The following TNR variants were observed in gnomAD, a reference collection of about 807,000 sequenced individuals.
TNR encodes tenascin R, also known as tenascin-R.
TNR carries 45 observed loss-of-function variants against 150.4 expected under a neutral mutation model. That is an observed-to-expected ratio of 0.30 (90% CI 0.24 to 0.38). TNR has a LOEUF of 0.38. Ranked by LOEUF, TNR falls within the 10% of genes least tolerant of loss-of-function variation. The probability of loss-of-function intolerance (pLI) is 1.00; values close to 1 mark genes in which losing one functional copy is unlikely to be tolerated. For missense variants in TNR, 1,544 were observed against 1,759.1 expected, an observed-to-expected ratio of 0.88 and a Z score of 2.19; for synonymous variants, 687 against 678.4, an observed-to-expected ratio of 1.01 and a Z score of -0.20.
At chr1:175,471,253 T>C (rs1313582629) in intron 2 of TNR, among the ~76,000 whole-genome samples, 1 of 152,184 alleles carries the variant, frequency 6.6e-6, no homozygotes, top group Non-Finnish European at 1.5e-5. Flanking sequence ...TAAAAATCTT[T>C]ATTTGGGATC....
chr1:175,401,566 G>A (rs532689143), intron 4 of TNR, among the ~76,000 whole-genome samples: 25 of 152,172 alleles, frequency 1.6e-4, no homozygotes, highest in African/African-American at 5.1e-4. Flanking sequence ...TGAAATAATT[G>A]GATATGGAAA....
chr1:175,386,328 A>C lies in TNR; in HGVS notation c.1508-27T>G, dbSNP rs1286355374. On this transcript the variant is annotated intron_variant, in intron 7 of 22. Transcript: ENST00000367674. ...TGAGTGAGAAGGATCAAACAGAACAAAAAGTTTGAATGAGAAATAAGCCTT... is the reference window on the plus strand; with the variant it reads ...TGAGTGAGAAGGATCAAACAGAACACAAAGTTTGAATGAGAAATAAGCCTT... 2.0e-6 allele frequency: 3 copies of C among 1,511,408 alleles called. No homozygotes were observed. In the African/African-American group the frequency reaches 4.2e-5, roughly 21 times the overall value. The allele number at this position is 1,511,408 out of a possible 1,614,324, so 93.6% of individuals were successfully genotyped here.
At chr1:175,411,627 C>T (rs1043825208) in intron 2 of TNR, among the ~76,000 whole-genome samples, 3 of 151,456 alleles carry the variant, frequency 2.0e-5, no homozygotes, top group African/African-American at 7.3e-5. Flanking sequence ...GCATCACTCC[C>T]GTCTGTGCCT....
intron 2 of TNR, among the ~76,000 whole-genome samples, chr1:175,505,910 C>T (rs1658941094): frequency 6.6e-6 from 1 of 150,658 alleles, no homozygotes; most frequent in Non-Finnish European, 1.5e-5. Flanking sequence ...GCCTGGTGCA[C>T]ATGCCTATAA....
At chr1:175,515,207 A>T (rs1557980356) in intron 2 of TNR, among the ~76,000 whole-genome samples, 1 of 152,226 alleles carries the variant, frequency 6.6e-6, no homozygotes, top group Non-Finnish European at 1.5e-5. Flanking sequence ...CCATTCATTC[A>T]TCAAATATTT....
chr1:175,358,811 C>T (rs1022570655), intron 15 of TNR, among the ~76,000 whole-genome samples: 2 of 152,168 alleles, frequency 1.3e-5, no homozygotes, highest in African/African-American at 4.8e-5. Flanking sequence ...TTAGTTAAAC[C>T]TGTTGGGCTG....
Position 175,469,029 on chromosome 1 carries a change from G to A in TNR, c.-64+59240C>T, listed in dbSNP as rs576267387. Among the ~76,000 whole-genome samples the A allele has an allele frequency of 4.0e-5, 6 of 151,886 alleles. No homozygotes were observed. The South Asian group carries it at 1.3e-3, about 32-fold the overall frequency. On this transcript the variant is annotated intron_variant, in intron 2 of 22. Transcript: ENST00000367674. ...AGCAGAAAATAGGCCTGAGGGAGGA[G>A]TCAAAATGACCTTCAGTTTGGAGAT...
chr1:175,330,198 G>A lies in TNR; in HGVS notation c.3669C>T (p.Arg1223=), dbSNP rs1649659264. The change falls in exon 21 of 23, where the codon CGC becomes CGT. Residue 1223 remains arginine (R), a synonymous_variant. Transcript: ENST00000367674. ...DNIHRITSQG[R]YELRVDMRDG... Reference sequence around the variant, plus strand: ...CCCGCATGTCCACGCGCAGCTCATAGCGGCCCTGGGATGTGATCCTGTGTA... The same window carrying A: ...CCCGCATGTCCACGCGCAGCTCATAACGGCCCTGGGATGTGATCCTGTGTA... 1 of 1,610,820 alleles carries A rather than the reference G, an allele frequency of 6.2e-7. No individual in the cohort carries two copies. Among genetic ancestry groups the A allele is most frequent in the South Asian group, 1.1e-5 (1 of 90,790 alleles).
At chr1:175,533,462 G>A (rs751347420) in intron 1 of TNR, among the ~76,000 whole-genome samples, 39 of 152,242 alleles carry the variant, frequency 2.6e-4, no homozygotes, top group African/African-American at 8.7e-4. Flanking sequence ...CCACTCACCC[G>A]ACACCACCCT....
At position 175,528,331 on chromosome 1, in the gene TNR, A is replaced by G. The variant is rs1185311529; in HGVS notation, c.-126T>C. On this transcript the variant is annotated 5_prime_UTR_variant, in exon 2 of 23. Transcript: ENST00000367674. ...CACTTTCTTTAATCCTAATTCCAAA[A>G]GAGACCTGCCCTCTATGCAGTTAAA... 6.6e-6 allele frequency: 1 copy of G among 152,238 alleles called. No homozygotes were observed. Among genetic ancestry groups the G allele is most frequent in the Non-Finnish European group, 1.5e-5 (1 of 68,042 alleles). 9.4% of individuals were successfully genotyped at this position (152,238 alleles called of 1,614,324 possible).
At chr1:175,593,848 T>C (rs1003547160) in intron 1 of TNR, among the ~76,000 whole-genome samples, 2 of 152,184 alleles carry the variant, frequency 1.3e-5, no homozygotes, top group African/African-American at 4.8e-5. Context: ...CCAAGTGTCC[T>C]CCCAAACAGA....
intron 22 of TNR, 60 bp from the exon 23 acceptor site, chr1:175,323,536 A>T (rs34842046): frequency 0.061 from 96,694 of 1,589,118 alleles, 3,476 homozygotes; most frequent in Middle Eastern, 0.17. Context: ...CCCCACTTCA[A>T]AAAAGGGGTA....
chr1:175,543,653 C>G (rs1660582103), intron 1 of TNR, among the ~76,000 whole-genome samples: 1 of 151,968 alleles, frequency 6.6e-6, no homozygotes, highest in Admixed American at 6.6e-5. Flanking sequence ...ATGATAATGA[C>G]TCAGTTCCTG....
intron 1 of TNR, among the ~76,000 whole-genome samples, chr1:175,585,191 T>C (rs1369857766): frequency 6.6e-6 from 1 of 152,022 alleles, no homozygotes; most frequent in African/African-American, 2.4e-5. Flanking sequence ...TTTGATGGAA[T>C]AAAACAAAAA....
intron 2 of TNR, among the ~76,000 whole-genome samples, chr1:175,514,020 T>A (rs1163082864): frequency 6.6e-6 from 1 of 152,038 alleles, no homozygotes; most frequent in Non-Finnish European, 1.5e-5. Context: ...AGGTCCAGAG[T>A]CATATAAGTT....
chr1:175,546,823 T>C (rs190932919), intron 1 of TNR, among the ~76,000 whole-genome samples: 5 of 152,190 alleles, frequency 3.3e-5, no homozygotes, highest in African/African-American at 9.6e-5. Context: ...GCAGGTGAAT[T>C]TCCCAAGATT....
chr1:175,498,009 G>A (rs754700161), intron 2 of TNR, among the ~76,000 whole-genome samples: 3 of 152,130 alleles, frequency 2.0e-5, no homozygotes, highest in Non-Finnish European at 4.4e-5. Flanking sequence ...GCAGTAAGCC[G>A]AGATCATGCC....
At chr1:175,722,997 G>A (rs555181167) in intron 1 of TNR, among the ~76,000 whole-genome samples, 2 of 151,564 alleles carry the variant, frequency 1.3e-5, no homozygotes, top group Admixed American at 6.6e-5. Flanking sequence ...TCACCATGTT[G>A]GCCAGGCTGG....
chr1:175,518,021 C>T (rs1006322873), intron 2 of TNR, among the ~76,000 whole-genome samples: 1 of 152,152 alleles, frequency 6.6e-6, no homozygotes, highest in African/African-American at 2.4e-5. Flanking sequence ...TAATTCTCTA[C>T]TTAGGAGGAG....
Sources: allele counts gnomAD v4.1 joint callset (sites outside exome capture counted in the v4.1 genomes callset), GRCh38; gene constraint gnomAD v4.1.1; transcripts MANE v1.5; gene names NCBI Gene and HGNC (gene_info 2026-07-23, HGNC 2026-07-21).